The following ADCY4 variants were observed in gnomAD, a reference collection of about 807,000 sequenced individuals.
ADCY4 encodes the protein adenylate cyclase type 4.
Under a neutral mutation model 125.5 loss-of-function variants are expected in ADCY4, and 111 were observed. That is an observed-to-expected ratio of 0.88 (90% CI 0.76 to 1.04). ADCY4 has a LOEUF of 1.04. Ranked by LOEUF, ADCY4 falls within the 50% of genes least tolerant of loss-of-function variation. The pLI is 0.00. For synonymous variants in ADCY4, 576 were observed against 586.9 expected (o/e 0.98, Z 0.27); for missense variants, 1,256 against 1,382.9 (o/e 0.91, Z 1.46).
At position 24,319,475 on chromosome 14, in the gene ADCY4, CT is replaced by C. The variant is rs764927573; in HGVS notation, c.2734-40del. On this transcript the variant is annotated intron_variant, in intron 21 of 24. Coordinates refer to ENST00000418030, the MANE Select transcript of ADCY4 (RefSeq NM_001198568.2). This position sits in a 1 kb window ranked among gnomAD's most constrained non-coding sequence, Gnocchi z 4.5. ...AGAGTCCTGTCCCCAGTCTCTCTTA[CT>C]CTCTCCATCACCTCTCCCAGAAGCC... is the stretch of plus-strand genomic sequence containing the variant. 1 of 1,589,490 alleles carries C rather than the reference CT, an allele frequency of 6.3e-7. No individual in the cohort carries two copies.
chr14:24,320,002 G>T (rs2041828433), intron 20 of ADCY4, 114 bp from the exon 21 acceptor site: 2 of 1,319,220 alleles, frequency 1.5e-6, no homozygotes, highest in Admixed American at 2.5e-5. Context: ...TGTTTAAGAA[G>T]AATTGGGAAG....
At chr14:24,322,877 G>A (rs775382597) in intron 18 of ADCY4, 27 bp downstream of exon 18, 28 of 1,568,322 alleles carry the variant, frequency 1.8e-5, no homozygotes, top group Non-Finnish European at 2.3e-5. Flanking sequence ...AGGGGGCCCG[G>A]CACCTCTGTC....
chr14:24,332,010 A>C (rs1286882333), intron 3 of ADCY4, 73 bp from the exon 4 acceptor site: 2 of 1,430,090 alleles, frequency 1.4e-6, no homozygotes, highest in Non-Finnish European at 1.9e-6. Flanking sequence ...TTGGTCTCAA[A>C]GACTGGCTGG....
At position 24,326,152 on chromosome 14, in the gene ADCY4, G is replaced by A. The variant is rs201057600; in HGVS notation, c.1582C>T (p.Arg528Trp). 79 of 1,594,908 alleles carry A rather than the reference G, an allele frequency of 5.0e-5. No homozygotes were observed. Among genetic ancestry groups the A allele is most frequent in the Middle Eastern group, 1.7e-4 (1 of 5,964 alleles). Residue 528 changes from arginine to tryptophan, a missense_variant, in exon 12 of 25, where the codon CGG becomes TGG. Physicochemically the swap from Arg to Trp is moderately radical, Grantham distance 101 (BLOSUM62 -3). Coordinates refer to ENST00000418030, the MANE Select transcript of ADCY4 (RefSeq NM_001198568.2). ...QWSLDRSRTPRGLDDELDTGD... is the reference protein window; with the variant it reads ...QWSLDRSRTPWGLDDELDTGD... Reference sequence around the variant, plus strand: ...GTGTCCAGTTCATCATCTAGTCCCCGGGGGGTACGGCTCCTGCACAGTGAG... The same window carrying A: ...GTGTCCAGTTCATCATCTAGTCCCCAGGGGGTACGGCTCCTGCACAGTGAG...
In ADCY4 at chr14:24,324,361, G is replaced by T. The variant is rs2041906033; in HGVS notation, c.1854C>A (p.Ile618=). Reference sequence around the variant, plus strand: ...GGATGAGGAGGAAGAGGAGGAAGGTGATGCTATACGTGATGGCCAGAGCTG... The same window carrying T: ...GGATGAGGAGGAAGAGGAGGAAGGTTATGCTATACGTGATGGCCAGAGCTG... ...RPPALAITYS[I]TFLLFLLILF... Residue 618 remains isoleucine, a synonymous_variant, in exon 15 of 25, where the codon ATC becomes ATA. Transcript: ENST00000418030. The T allele has an allele frequency of 6.2e-7, 1 of 1,614,220 alleles. No individual in the cohort carries two copies. The highest frequency in any genetic ancestry group is 1.3e-5 in the African/African-American group (1 of 75,066).
Position 24,331,098 on chromosome 14 carries a change from G to T in ADCY4, c.850C>A (p.Arg284=), listed in dbSNP as rs201473774. The T allele has an allele frequency of 2.5e-6, 4 of 1,613,438 alleles. No homozygotes were observed. In the African/African-American group the frequency reaches 4.0e-5, roughly 16 times the overall value. ...TTAGGGGAACACTCGCTGGCCAGCCGCGTGAAGCCCACGATGTCAGCATAC... is the reference window on the plus strand; with the variant it reads ...TTAGGGGAACACTCGCTGGCCAGCCTCGTGAAGCCCACGATGTCAGCATAC... The part of the protein sequence containing the change: ...VLYADIVGFT[R]LASECSPKEL... Residue 284 remains arginine, a synonymous_variant, in exon 6 of 25, where the codon CGG becomes AGG. Coordinates refer to ENST00000418030, the MANE Select transcript of ADCY4 (RefSeq NM_001198568.2).
intron 4 of ADCY4, 37 bp from the exon 5 acceptor site, chr14:24,331,393 C>T (rs769486605): frequency 4.3e-6 from 7 of 1,610,276 alleles, no homozygotes; most frequent in African/African-American, 1.3e-5. Context: ...CTCTTCTGCA[C>T]CCTAAAGCCA....
intron 8 of ADCY4, 126 bp from the exon 9 acceptor site, chr14:24,329,659 G>A (rs759045162): frequency 4.9e-6 from 7 of 1,425,730 alleles, no homozygotes; most frequent in Non-Finnish European, 6.5e-6. Flanking sequence ...GTTCCTGGAT[G>A]TCTGACTTCA....
At chr14:24,321,836 A>C in intron 20 of ADCY4, 1 of 1,271,918 alleles carries the variant, frequency 7.9e-7, no homozygotes, top group Non-Finnish European at 9.9e-7. Flanking sequence ...AATGTATGGA[A>C]TGGTCATGAG....
Position 24,332,826 on chromosome 14 carries a change from G to T in ADCY4, c.322C>A (p.Leu108Met). 6.3e-7 allele frequency: 1 copy of T among 1,580,136 alleles called. No individual in the cohort carries two copies. Among genetic ancestry groups the T allele is most frequent in the Non-Finnish European group, 8.6e-7 (1 of 1,160,708 alleles). ...GCGCTCACCACGCCCCCGGTGAACA[G>T]GAAGGCGTGGCCTAGCGCTAGCAGC... ...VALLALGHAF[L>M]FTGGVVSAWD... The change falls in exon 2 of 25, where the codon CTG becomes ATG. Residue 108 changes from leucine to methionine, a missense_variant. Coordinates refer to ENST00000418030, the MANE Select transcript of ADCY4 (RefSeq NM_001198568.2).
At chr14:24,330,353 G>T in intron 6 of ADCY4, 58 bp from the exon 7 acceptor site, 1 of 1,605,098 alleles carries the variant, frequency 6.2e-7, no homozygotes. Context: ...AAGGGTAGGA[G>T]GGAGTTGGGA....
In ADCY4 at chr14:24,323,417, G is replaced by A. The variant is rs2041887801; in HGVS notation, c.2084C>T (p.Ala695Val). 13 of 1,556,246 alleles carry A rather than the reference G, an allele frequency of 8.4e-6. No homozygotes were observed. Among genetic ancestry groups the A allele is most frequent in the African/African-American group, 1.4e-5 (1 of 73,400 alleles). Reference protein sequence around the residue: ...FPTSSDCPFQAPNVSSMISNL... With the variant: ...FPTSSDCPFQVPNVSSMISNL... ...GGAAATCATGGAGGACACATTGGGA[G>A]CTTGGAAAGGGCAGTCTGATGATGT... The change falls in exon 17 of 25, where the codon GCT becomes GTT. Residue 695 changes from alanine to valine, a missense_variant. Transcript: ENST00000418030.
rs558677507 is a variant in ADCY4, at chr14:24,324,042, A to G, written c.2046+20T>C. ...CCAACATGCCCTCATGGGGGTGGAT[A>G]GGGCCCCCTCTGTCCTCACCAGGCT... is the stretch of plus-strand genomic sequence containing the variant. On this transcript the variant is annotated intron_variant, in intron 16 of 24. Coordinates refer to ENST00000418030, the MANE Select transcript of ADCY4 (RefSeq NM_001198568.2). 8.7e-6 allele frequency: 14 copies of G among 1,611,806 alleles called. No homozygotes were observed. Among genetic ancestry groups the G allele is most frequent in the Non-Finnish European group, 1.2e-5 (14 of 1,178,924 alleles).
Position 24,332,927 on chromosome 14 carries a change from A to G in ADCY4, c.221T>C (p.Leu74Pro). Residue 74 changes from leucine to proline, a missense_variant, in exon 2 of 25, where the codon CTG (leucine) becomes CCG (proline). Coordinates refer to ENST00000418030, the MANE Select transcript of ADCY4 (RefSeq NM_001198568.2). Reference protein sequence around the residue: ...TVLCALGGFSLLLGLASREQR... With the variant: ...TVLCALGGFSPLLGLASREQR... ...CTCCCGGGAAGCGAGGCCCAGCAGC[A>G]GCGAGAAGCCGCCCAGCGCGCACAG... The G allele has an allele frequency of 6.3e-7, 1 of 1,598,634 alleles. No individual in the cohort carries two copies. Among genetic ancestry groups the G allele is most frequent in the Non-Finnish European group, 8.5e-7 (1 of 1,171,456 alleles).
Position 24,321,897 on chromosome 14 carries a change from C to G in ADCY4, c.2586+169G>C, listed in dbSNP as rs549507982. The G allele has an allele frequency of 2.2e-6, 3 of 1,362,544 alleles. No individual in the cohort carries two copies. The South Asian group carries it at 6.5e-5, about 30-fold the overall frequency. 84.4% of individuals were successfully genotyped at this position (1,362,544 alleles called of 1,614,324 possible). ...AGAATTTGAAATGCAGTTTTGTGCT[C>G]ACCAAAGAAAGAATCTAAGATGTTG... On this transcript the variant is annotated intron_variant, in intron 20 of 24. Transcript: ENST00000418030.
At chr14:24,321,898 A>C in intron 20 of ADCY4, 168 bp downstream of exon 20, 1 of 1,365,552 alleles carries the variant, frequency 7.3e-7, no homozygotes, top group Admixed American at 2.8e-5. Context: ...TTTTGTGCTC[A>C]CCAAAGAAAG....
rs1001629291 is a variant in ADCY4 at position 24,318,584 on chromosome 14, G to A, written c.3082-16C>T. The A allele has an allele frequency of 6.2e-7, 1 of 1,614,108 alleles. No homozygotes were observed. The highest frequency in any genetic ancestry group is 1.7e-5 in the Admixed American group (1 of 60,014). ...CCTCAGTCACCTACAATTGGAGGGG[G>A]GCGAGGGAATATGGAGGTGGCCCTA... On this transcript the variant is annotated splice_polypyrimidine_tract_variant and intron_variant, in intron 24 of 24. Transcript: ENST00000418030.
intron 6 of ADCY4, 74 bp downstream of exon 6, chr14:24,330,944 A>G: frequency 7.4e-7 from 1 of 1,358,390 alleles, no homozygotes; most frequent in African/African-American, 1.5e-5. Flanking sequence ...ATAAGGTGGG[A>G]GTTTCCCTTG....
chr14:24,329,808 T>C, intron 8 of ADCY4, 52 bp downstream of exon 8: 1 of 1,586,690 alleles, frequency 6.3e-7, no homozygotes, highest in Non-Finnish European at 8.6e-7. Flanking sequence ...TGGCAGCCTG[T>C]GGTAGGCCTG....
Sources: gnomAD v4.1 joint callset for allele counts on GRCh38, gnomAD v4.1.1 for gene constraint, Gnocchi (gnomAD v3.1) non-coding constraint, MANE v1.5 for transcripts, NCBI Gene and HGNC (gene_info 2026-07-23, HGNC 2026-07-21) for gene names.